TTN: variants seen among roughly 807,000 people sequenced by gnomAD.
TTN encodes connectin.
A neutral mutation model predicts 3,223.0 loss-of-function variants in TTN; 1,525 were observed. That is an observed-to-expected ratio of 0.47 (90% confidence interval 0.45 to 0.49). The LOEUF (loss-of-function observed/expected upper bound fraction) is 0.49. Ranked by LOEUF, TTN falls within the 20% of genes least tolerant of loss-of-function variation. The pLI is 0.00. For missense variants in TTN, 40,786 were observed against 43,424.0 expected (o/e 0.94, Z 5.40); for synonymous variants, 14,094 against 15,161.0 (o/e 0.93, Z 5.17).
chr2:178,543,169 A>G lies in TTN; in HGVS notation c.96804T>C (p.Asn32268=). The change falls in exon 347 of 363, where the codon AAT becomes AAC. Residue 32268 remains asparagine, a synonymous_variant. Coordinates refer to ENST00000589042, the MANE Select transcript of TTN (RefSeq NM_001267550.2). ...TTCTAAATAAGTATTGTTCACCTTC[A>G]TTTAAGGAAGTAACAGTGTGCTCTA... is the stretch of plus-strand genomic sequence containing the variant. The part of the protein sequence containing the change: ...TVLEHTVTSL[N]EGEQYLFRIR... 1.2e-6 allele frequency: 2 copies of G among 1,612,916 alleles called. No homozygotes were observed. The highest frequency in any genetic ancestry group is 1.7e-6 in the Non-Finnish European group (2 of 1,179,520).
rs1244129033 is a variant in TTN at position 178,576,628 on chromosome 2, C to G, written c.69616G>C (p.Glu23206Gln). Residue 23206 changes from glutamate to glutamine, a missense_variant, in exon 325 of 363, where the codon GAA (glutamate) becomes CAA (glutamine). Transcript: ENST00000589042. This position sits in a 1 kb window ranked among gnomAD's most constrained non-coding sequence, Gnocchi z 4.3. The stretch of plus-strand genomic sequence containing the variant: ...ACACGGAATTCGTAGGTGCTTCCTT[C>G]TTGCAGTCCTGTTACTTTGCACCTG... Reference protein sequence around the residue: ...DLRCKVTGLQEGSTYEFRVSA... With the variant: ...DLRCKVTGLQQGSTYEFRVSA... 3 of 1,613,604 alleles carry G rather than the reference C, an allele frequency of 1.9e-6. No homozygotes were observed. The highest frequency in any genetic ancestry group is 2.5e-6 in the Non-Finnish European group (3 of 1,179,634).
Position 178,609,493 on chromosome 2 carries a change from C to T in TTN, c.51817G>A (p.Gly17273Arg). The T allele has an allele frequency of 6.2e-7, 1 of 1,612,454 alleles. No homozygotes were observed. The highest frequency in any genetic ancestry group is 8.5e-7 in the Non-Finnish European group (1 of 1,179,124). ...CATGTAATAGTTGGGTAAGGTGATC[C>T]AGAAATACTTGCATCAAGTGCTATT... The part of the protein sequence containing the change: ...DEIALDASIS[G>R]SPYPTITWIK... Residue 17273 changes from glycine (G) to arginine (R), a missense_variant, in exon 273 of 363, where the codon GGA becomes AGA. Physicochemically the swap from Gly to Arg is moderately radical, Grantham distance 125 (BLOSUM62 -2). Transcript: ENST00000589042.
chr2:178,702,764 G>T, intron 106 of TTN, 101 bp from the exon 107 acceptor site: 2 of 1,221,584 alleles, frequency 1.6e-6, no homozygotes, highest in Non-Finnish European at 2.2e-6. Context: ...TTTGTACCCA[G>T]TTATAAAATA....
Position 178,607,878 on chromosome 2 carries a change from C to T in TTN, c.52909G>A (p.Gly17637Ser). 1.2e-6 allele frequency: 2 copies of T among 1,613,008 alleles called. No homozygotes were observed. Among genetic ancestry groups the T allele is most frequent in the Non-Finnish European group, 1.7e-6 (2 of 1,179,328 alleles). Residue 17637 changes from glycine to serine, a missense_variant, in exon 276 of 363, where the codon GGT becomes AGT. Physicochemically the swap from Gly to Ser is moderately conservative, Grantham distance 56. Coordinates refer to ENST00000589042, the MANE Select transcript of TTN (RefSeq NM_001267550.2). ...RQYTVKEIRE[G>S]ADYKLRVSAV... ...CTCACCCGAAGTTTGTAATCAGCAC[C>T]CTCTCGGATTTCTTTGACGGTGTAC...
rs1274873929 is a variant in TTN at position 178,680,129 on chromosome 2, C to A, written c.33419-74G>T. 2.3e-5 allele frequency: 37 copies of A among 1,586,106 alleles called. No homozygotes were observed. In the Admixed American group the frequency reaches 6.6e-4, roughly 28 times the overall value. Reference sequence around the variant, plus strand: ...AATTAAGACACCTTAGAAACACAGGCCCATTTATAACAGAAGAAAGGACAA... The same window carrying A: ...AATTAAGACACCTTAGAAACACAGGACCATTTATAACAGAAGAAAGGACAA... On this transcript the variant is annotated intron_variant, in intron 139 of 362. Coordinates refer to ENST00000589042, the MANE Select transcript of TTN (RefSeq NM_001267550.2).
At chr2:178,775,229 G>C in intron 28 of TTN, 27 bp from the exon 29 acceptor site, 1 of 1,613,352 alleles carries the variant, frequency 6.2e-7, no homozygotes, top group Non-Finnish European at 8.5e-7. Context: ...GGGGAAAAAG[G>C]GGAGAGCACA....
chr2:178,592,612 A>T lies in TTN; in HGVS notation c.59393T>A (p.Ile19798Asn). 1 of 1,613,410 alleles carries T rather than the reference A, an allele frequency of 6.2e-7. No homozygotes were observed. The highest frequency in any genetic ancestry group is 1.1e-5 in the South Asian group (1 of 91,056). ...AAGTCTTAGAGTATCACCAACTTTA[A>T]TGTGTTGTTCTCTTGCCATGTTGGC... ...LDANMAREQH[I>N]KVGDTLRLSA... The change falls in exon 301 of 363, where the codon ATT becomes AAT. Residue 19798 changes from isoleucine (I) to asparagine (N), a missense_variant. Ile to Asn is a moderately radical substitution (Grantham distance 149). Transcript: ENST00000589042.
Position 178,715,606 on chromosome 2 carries a change from G to C in TTN, c.25808C>G (p.Ser8603Trp). The C allele has an allele frequency of 6.2e-7, 1 of 1,613,504 alleles. No homozygotes were observed. The highest frequency in any genetic ancestry group is 8.5e-7 in the Non-Finnish European group (1 of 1,179,648). Residue 8603 changes from serine to tryptophan, a missense_variant, in exon 89 of 363, where the codon TCG (serine) becomes TGG (tryptophan). By Grantham distance (177) the Ser-to-Trp change is radical. Transcript: ENST00000589042. Reference protein sequence around the residue: ...SSKFRMSFVDSVAVLEMHNLS... With the variant: ...SSKFRMSFVDWVAVLEMHNLS... ...ATTGTGCATTTCCAGCACAGCCACC[G>C]AGTCAACGAATGACATTCTGAATTT...
At chr2:178,649,944 T>C in intron 210 of TTN, 50 bp from the exon 211 acceptor site, 1 of 1,563,016 alleles carries the variant, frequency 6.4e-7, no homozygotes, top group Non-Finnish European at 8.7e-7. Flanking sequence ...AATGAAAAAT[T>C]TAATGCTAAT....
intron 356 of TTN, 173 bp downstream of exon 356, chr2:178,536,765 G>GAT: frequency 1.2e-6 from 1 of 803,836 alleles, no homozygotes. Context: ...ATGGGGTTAG[G>GAT]ATATATATTT....
chr2:178,601,881 C>T lies in TTN; in HGVS notation c.55302+1G>A. On this transcript the variant is annotated splice_donor_variant, in intron 285 of 362. Transcript: ENST00000589042. LOFTEE classifies it high-confidence loss of function. ...AATTATTTTAATTATTATTTTTTTACCTGTGCATCTTCGGGTATGTCATGA... is the reference window on the plus strand; with the variant it reads ...AATTATTTTAATTATTATTTTTTTATCTGTGCATCTTCGGGTATGTCATGA... The T allele has an allele frequency of 6.2e-7, 1 of 1,610,232 alleles. No individual in the cohort carries two copies. The highest frequency in any genetic ancestry group is 1.3e-5 in the African/African-American group (1 of 74,798).
Position 178,777,288 on chromosome 2 carries a change from C to T in TTN, c.4675G>A (p.Val1559Ile), listed in dbSNP as rs538451328. 1 of 1,613,912 alleles carries T rather than the reference C, an allele frequency of 6.2e-7. No individual in the cohort carries two copies. The highest frequency in any genetic ancestry group is 1.3e-5 in the African/African-American group (1 of 75,030). ...ATATTGACATTTTTCAGTTTTTCTA[C>T]AAACATCGGTTTTACCTGATGTTCC... is the stretch of plus-strand genomic sequence containing the variant. ...AVEHQVKPMF[V>I]EKLKNVNIKE... The change falls in exon 27 of 363, where the codon GTA becomes ATA. Residue 1559 changes from valine to isoleucine, a missense_variant. Val to Ile is a conservative substitution (Grantham distance 29). Transcript: ENST00000589042.
intron 109 of TTN, 97 bp from the exon 110 acceptor site, chr2:178,701,684 A>G: frequency 8.4e-7 from 1 of 1,187,298 alleles, no homozygotes; most frequent in Non-Finnish European, 1.2e-6. Flanking sequence ...GAGATATGTC[A>G]GGCATATCTA....
Position 178,570,841 on chromosome 2 carries a change from T to C in TTN, c.75291A>G (p.Thr25097=), listed in dbSNP as rs375878340. The C allele has an allele frequency of 1.3e-5, 21 of 1,613,456 alleles. No homozygotes were observed. The African/African-American group carries it at 2.8e-4, about 22-fold the overall frequency. ...CCTCATCTCTAGCTGTTATTGCTCC[T>C]GTGCTTTCTGAAGGCTCACTAAACA... The part of the protein sequence containing the change: ...AGVFSEPSES[T]GAITARDEVD... Residue 25097 remains threonine (T), a synonymous_variant, in exon 326 of 363, where the codon ACA becomes ACG. Transcript: ENST00000589042.
intron 121 of TTN, 42 bp downstream of exon 121, chr2:178,691,974 C>T: frequency 6.5e-7 from 1 of 1,546,096 alleles, no homozygotes; most frequent in Non-Finnish European, 8.8e-7. Context: ...AAAAGGCTGG[C>T]ACTTGGAGCA....
At chr2:178,667,174 T>C (rs2154261760) in intron 162 of TTN, 62 bp downstream of exon 162, 1 of 1,357,590 alleles carries the variant, frequency 7.4e-7, no homozygotes. Context: ...AAACATTAAA[T>C]ATTTTGCAGA....
At position 178,567,861 on chromosome 2, in the gene TTN, G is replaced by T. The variant is rs1706513833; in HGVS notation, c.78271C>A (p.Pro26091Thr). Residue 26091 changes from proline (P) to threonine (T), a missense_variant, in exon 326 of 363, where the codon CCA becomes ACA. Transcript: ENST00000589042. ...ATTATTGGTTCTGGGGTTCCTGGTG[G>T]GTCACAGGGATCTCTGGCTACATAG... ...ECYVARDPCD[P>T]PGTPEPIMVK... is the part of the protein sequence containing the mutation. 2 of 1,613,254 alleles carry T rather than the reference G, an allele frequency of 1.2e-6. No individual in the cohort carries two copies. Among genetic ancestry groups the T allele is most frequent in the Non-Finnish European group, 1.7e-6 (2 of 1,179,578 alleles).
At position 178,558,131 on chromosome 2, in the gene TTN, T is replaced by G. The variant is rs1324821269; in HGVS notation, c.87223A>C (p.Lys29075Gln). 1 of 1,613,902 alleles carries G rather than the reference T, an allele frequency of 6.2e-7. No individual in the cohort carries two copies. Among genetic ancestry groups the G allele is most frequent in the Admixed American group, 1.7e-5 (1 of 60,018 alleles). The change falls in exon 328 of 363, where the codon AAA becomes CAA. Residue 29075 changes from lysine (K) to glutamine (Q), a missense_variant. Coordinates refer to ENST00000589042, the MANE Select transcript of TTN (RefSeq NM_001267550.2). The part of the protein sequence containing the change: ...DIPISGKPLP[K>Q]VTLSRDGVPL... The stretch of plus-strand genomic sequence containing the variant: ...ACACCATCTCTTGATAAGGTCACTT[T>G]GGGAAGTGGTTTTCCAGAGATTGGA...
Position 178,652,877 on chromosome 2 carries a change from G to A in TTN, c.38930C>T (p.Pro12977Leu), listed in dbSNP as rs1307618581. 1 of 1,611,700 alleles carries A rather than the reference G, an allele frequency of 6.2e-7. No homozygotes were observed. Among genetic ancestry groups the A allele is most frequent in the South Asian group, 1.1e-5 (1 of 90,770 alleles). ...VPEKKMPLAP[P>L]KKPEVPPVKV... ...AACAGGAGGGACTTCAGGCTTTTTAGGAGGAGCCAAGGGCATTTTCTTTTC... is the reference window on the plus strand; with the variant it reads ...AACAGGAGGGACTTCAGGCTTTTTAAGAGGAGCCAAGGGCATTTTCTTTTC... The change falls in exon 200 of 363, where the codon CCT becomes CTT. Residue 12977 changes from proline (P) to leucine (L), a missense_variant. Physicochemically the swap from Pro to Leu is moderately conservative, Grantham distance 98. Coordinates refer to ENST00000589042, the MANE Select transcript of TTN (RefSeq NM_001267550.2).
Sources: allele counts gnomAD v4.1 joint callset, GRCh38; gene constraint gnomAD v4.1.1; non-coding constraint Gnocchi (gnomAD v3.1); transcripts MANE v1.5; gene names NCBI Gene and HGNC (gene_info 2026-07-23, HGNC 2026-07-21).